TRRAP: variants seen among roughly 807,000 people sequenced by gnomAD.
TRRAP encodes transformation/transcription domain associated protein, also known as transformation/transcription domain-associated protein.
A neutral mutation model predicts 438.8 loss-of-function variants in TRRAP; 41 were observed. That is an observed-to-expected ratio of 0.09 (90% CI 0.07 to 0.12). The LOEUF (loss-of-function observed/expected upper bound fraction) is 0.12. Ranked by LOEUF, TRRAP falls within the 10% of genes least tolerant of loss-of-function variation. The pLI, the probability that TRRAP is intolerant of heterozygous loss-of-function variation, is 1.00. For missense variants in TRRAP, 3,122 were observed against 5,055.1 expected, an observed-to-expected ratio of 0.62 and a Z score of 11.60; for synonymous variants, 1,994 against 1,962.9, an observed-to-expected ratio of 1.02 and a Z score of -0.42.
chr7:98,976,518 C>G lies in TRRAP; in HGVS notation c.7995C>G (p.Ser2665Arg). The part of the protein sequence containing the change: ...LAGEISPFLC[S>R]GSHQVQRDCQ... ...GTGAGATAAGTCCATTTCTGTGCAG[C>G]GGCAGTCACCAGGTGCAGCGGGACT... Residue 2665 changes from serine (S) to arginine (R), a missense_variant, in exon 55 of 73, where the codon AGC becomes AGG. Ser to Arg is a moderately radical substitution (Grantham distance 110, BLOSUM62 -1). Around this residue, in one of 24 missense-constraint regions of TRRAP, gnomAD observed 992 missense variants for 1,281.2 expected, o/e 0.77. Coordinates refer to ENST00000456197, the MANE Select transcript of TRRAP (RefSeq NM_001375524.1). The surrounding 1 kb of genome is among the most constrained non-coding windows in gnomAD (Gnocchi z 4.6). 1.9e-6 allele frequency: 3 copies of G among 1,612,650 alleles called. No homozygotes were observed. The highest frequency in any genetic ancestry group is 2.5e-6 in the Non-Finnish European group (3 of 1,180,016).
chr7:98,905,920 A>T (rs1455261178), intron 12 of TRRAP, among the ~76,000 whole-genome samples: 5 of 152,102 alleles, frequency 3.3e-5, no homozygotes, highest in African/African-American at 9.7e-5. Flanking sequence ...CACCAAGCTG[A>T]TTTATTCTTA....
intron 18 of TRRAP, among the ~76,000 whole-genome samples, chr7:98,913,569 T>G (rs1674016772): frequency 6.6e-6 from 1 of 152,196 alleles, no homozygotes; most frequent in Non-Finnish European, 1.5e-5. Flanking sequence ...ATTACAGGTG[T>G]GAGCCACTGC....
At position 98,993,696 on chromosome 7, in the gene TRRAP, G is replaced by A. The variant is rs1793525912; in HGVS notation, c.10006G>A (p.Val3336Ile). 1 of 1,614,200 alleles carries A rather than the reference G, an allele frequency of 6.2e-7. No individual in the cohort carries two copies. Among genetic ancestry groups the A allele is most frequent in the Non-Finnish European group, 8.5e-7 (1 of 1,180,032 alleles). Residue 3336 changes from valine to isoleucine, a missense_variant, in exon 66 of 73, where the codon GTC becomes ATC. Physicochemically the swap from Val to Ile is conservative, Grantham distance 29 (BLOSUM62 3). Transcript: ENST00000456197. ...PTLLSSLEGI[V>I]DQMVWFRENW... The stretch of plus-strand genomic sequence containing the variant: ...CCTTCTGTCTTCCCTGGAAGGCATC[G>A]TCGATCAGATGGTCTGGTTCAGAGA...
At chr7:98,928,930 C>A (rs1465043877) in intron 23 of TRRAP, among the ~76,000 whole-genome samples, 12 of 149,832 alleles carry the variant, frequency 8.0e-5, no homozygotes, top group Non-Finnish European at 1.3e-4. Context: ...TGTAACACCA[C>A]GCCCGGCTAA....
At chr7:98,886,288 T>C (rs1554403945) in intron 3 of TRRAP, among the ~76,000 whole-genome samples, 1 of 151,926 alleles carries the variant, frequency 6.6e-6, no homozygotes, top group Non-Finnish European at 1.5e-5. Flanking sequence ...TCTATATCTA[T>C]ATCTATCTAT....
intron 53 of TRRAP, 23 bp downstream of exon 53, chr7:98,971,968 A>T: frequency 6.2e-7 from 1 of 1,611,404 alleles, no homozygotes; most frequent in Non-Finnish European, 8.5e-7. Flanking sequence ...CTTGGAAAGG[A>T]TTCGTTGCTT....
At chr7:98,880,453 G>A (rs1017347415) in intron 1 of TRRAP, among the ~76,000 whole-genome samples, 6 of 151,920 alleles carry the variant, frequency 3.9e-5, no homozygotes, top group Non-Finnish European at 8.8e-5. Flanking sequence ...TAGTAGAGAT[G>A]GGGTTTCATC....
intron 50 of TRRAP, 61 bp from the exon 51 acceptor site, chr7:98,967,424 G>T: frequency 6.4e-7 from 1 of 1,560,404 alleles, no homozygotes; most frequent in Non-Finnish European, 8.8e-7. Context: ...ACCTGTTTCT[G>T]CTTGTTTGCA....
chr7:98,989,849 C>A (rs1294081081), intron 63 of TRRAP, among the ~76,000 whole-genome samples: 1 of 152,186 alleles, frequency 6.6e-6, no homozygotes, highest in Non-Finnish European at 1.5e-5. Flanking sequence ...TGGGCAGGCC[C>A]CAGGCATCTT....
intron 8 of TRRAP, among the ~76,000 whole-genome samples, chr7:98,898,808 C>A (rs574094065): frequency 1.6e-4 from 25 of 152,286 alleles, no homozygotes; most frequent in Non-Finnish European, 3.5e-4. Flanking sequence ...CATAGGCATT[C>A]ATTTTAAAAA....
rs185196588 is a variant in TRRAP, at chr7:98,953,208, G to C, written c.5505G>C (p.Leu1835=). The change falls in exon 40 of 73, where the codon CTG becomes CTC. Residue 1835 remains leucine (L), a synonymous_variant. Transcript: ENST00000456197. The part of the protein sequence containing the change: ...PEKQADMLDS[L]RIYLLQYATL... The stretch of plus-strand genomic sequence containing the variant: ...AGCAGGCGGACATGCTGGACTCGCT[G>C]CGGATCTACCTGCTGCAGTACGCCA... 6.2e-7 allele frequency: 1 copy of C among 1,613,298 alleles called. No homozygotes were observed. Among genetic ancestry groups the C allele is most frequent in the African/African-American group, 1.3e-5 (1 of 74,888 alleles).
intron 11 of TRRAP, among the ~76,000 whole-genome samples, chr7:98,903,149 G>A (rs1375402462): frequency 6.6e-6 from 1 of 152,094 alleles, no homozygotes; most frequent in African/African-American, 2.4e-5. Flanking sequence ...AGCCTCCCAA[G>A]TAGCTGGGAT....
intron 1 of TRRAP, among the ~76,000 whole-genome samples, chr7:98,880,735 C>CT (rs1795391956): frequency 6.6e-6 from 1 of 152,118 alleles, no homozygotes; most frequent in Admixed American, 6.6e-5. Flanking sequence ...TGTTGTCTGT[C>CT]TGTGACTGCT....
intron 28 of TRRAP, among the ~76,000 whole-genome samples, chr7:98,936,306 T>C (rs1489361977): frequency 1.3e-5 from 2 of 152,174 alleles, no homozygotes; most frequent in African/African-American, 4.8e-5. Context: ...CAGACCATAA[T>C]ACCTGAGCTA....
intron 14 of TRRAP, 48 bp downstream of exon 14, chr7:98,909,010 T>A (rs1796924890): frequency 1.3e-6 from 2 of 1,483,718 alleles, no homozygotes; most frequent in African/African-American, 1.4e-5. Flanking sequence ...CTATCCTGTT[T>A]GTGGCTAAAT....
In TRRAP at chr7:98,990,574, C is replaced by T. The variant is rs1279410730; in HGVS notation, c.9711C>T (p.Cys3237=). 3 of 1,614,000 alleles carry T rather than the reference C, an allele frequency of 1.9e-6. No individual in the cohort carries two copies. In the African/African-American group the frequency reaches 4.0e-5, roughly 22 times the overall value. Residue 3237 remains cysteine, a synonymous_variant, in exon 64 of 73, where the codon TGC becomes TGT. Coordinates refer to ENST00000456197, the MANE Select transcript of TRRAP (RefSeq NM_001375524.1). ...CCTGGATCCCACAGCTGCTCACCTGCCTGGTTGGCTCGGAGGGAAAGCTGC... is the reference window on the plus strand; with the variant it reads ...CCTGGATCCCACAGCTGCTCACCTGTCTGGTTGGCTCGGAGGGAAAGCTGC... The part of the protein sequence containing the change: ...WLAWIPQLLT[C]LVGSEGKLLL...
chr7:98,961,812 G>A lies in TRRAP; in HGVS notation c.6703+338G>A, dbSNP rs535634534. On this transcript the variant is annotated intron_variant, in intron 46 of 72. Coordinates refer to ENST00000456197, the MANE Select transcript of TRRAP (RefSeq NM_001375524.1). The stretch of plus-strand genomic sequence containing the variant: ...CACGCACCTGTAATCCCAGCTACTC[G>A]GGAGGCTGAGGCAGGAGAATCGCTT... 4.6e-5 allele frequency among the ~76,000 whole-genome samples: 7 copies of A among 152,210 alleles called. No individual in the cohort carries two copies. The East Asian group carries it at 1.2e-3, about 25-fold the overall frequency.
intron 69 of TRRAP, among the ~76,000 whole-genome samples, chr7:99,007,437 C>A (rs1313145555): frequency 6.6e-6 from 1 of 152,234 alleles, no homozygotes; most frequent in Non-Finnish European, 1.5e-5. Context: ...CCACCTCCAC[C>A]TCCTGGGTTC....
chr7:98,963,170 GC>G (rs899958962), intron 47 of TRRAP, among the ~76,000 whole-genome samples: 3 of 152,158 alleles, frequency 2.0e-5, no homozygotes, highest in African/African-American at 7.2e-5. Context: ...CCCTTGTTAG[GC>G]AAACGCTTTT....
Sources: gnomAD v4.1 joint callset for allele counts (sites outside exome capture counted in the v4.1 genomes callset) on GRCh38, gnomAD v4.1.1 for gene constraint, gnomAD v4.1.1 regional missense constraint, Gnocchi (gnomAD v3.1) non-coding constraint, MANE v1.5 for transcripts, NCBI Gene and HGNC (gene_info 2026-07-23, HGNC 2026-07-21) for gene names.